The following ZNF850 variants were observed in gnomAD, a reference collection of about 807,000 sequenced individuals.
The protein encoded by ZNF850 is zinc finger protein 850.
A neutral mutation model predicts 11.9 loss-of-function variants in ZNF850; 2 were observed. The observed-to-expected ratio is 0.17, with a 90% CI of 0.07 to 0.53. The LOEUF is 0.53. Ranked by LOEUF, ZNF850 falls within the 20% of genes least tolerant of loss-of-function variation. The pLI is 0.94. For missense variants in ZNF850, 1,014 were observed against 1,316.4 expected (o/e 0.77, Z 3.55); for synonymous variants, 381 against 443.0 (o/e 0.86, Z 1.76).
intron 4 of ZNF850, among the ~76,000 whole-genome samples, chr19:36,760,169 G>T (rs1470037977): frequency 6.6e-6 from 1 of 152,130 alleles, no homozygotes; most frequent in Non-Finnish European, 1.5e-5. Flanking sequence ...TATTAGGCTG[G>T]GTGTGGTGGC....
intron 3 of ZNF850, 53 bp downstream of exon 3, chr19:36,762,252 A>G: frequency 7.0e-7 from 1 of 1,420,566 alleles, no homozygotes; most frequent in Non-Finnish European, 9.3e-7. Flanking sequence ...TCACCCAGAC[A>G]ATTGAAAGCT....
chr19:36,761,548 A>C, intron 4 of ZNF850, 95 bp downstream of exon 4: 1 of 602,928 alleles, frequency 1.7e-6, no homozygotes, highest in Non-Finnish European at 2.8e-6. Context: ...ACCTTGAAGA[A>C]GAGACTCCTC....
intron 4 of ZNF850, among the ~76,000 whole-genome samples, chr19:36,754,414 C>T (rs758766254): frequency 4.6e-5 from 7 of 152,040 alleles, no homozygotes; most frequent in Non-Finnish European, 8.8e-5. Context: ...AGGATTACTA[C>T]ATAATAAAAC....
chr19:36,762,112 C>A (rs1413584269), intron 3 of ZNF850, among the ~76,000 whole-genome samples, 193 bp downstream of exon 3: 1 of 151,874 alleles, frequency 6.6e-6, no homozygotes, highest in Non-Finnish European at 1.5e-5. Context: ...AAGTTAGTCC[C>A]TTAGTCCTCA....
In ZNF850 at chr19:36,762,201, C is replaced by A. The variant is rs536433424; in HGVS notation, c.139+104G>T. On this transcript the variant is annotated intron_variant, in intron 3 of 4. Transcript: ENST00000591344. Reference sequence around the variant, plus strand: ...CCCAAAGAGCTGCCCATCTATTAATCTACAAAACACAAAACAATTCCCTAG... The same window carrying A: ...CCCAAAGAGCTGCCCATCTATTAATATACAAAACACAAAACAATTCCCTAG... 74 of 1,009,472 alleles carry A rather than the reference C, an allele frequency of 7.3e-5. No homozygotes were observed. The Admixed American group carries it at 7.5e-4, about 10-fold the overall frequency. The allele number at this position is 1,009,472 out of a possible 1,614,324, so 62.5% of individuals were successfully genotyped here. A position where few individuals can be genotyped will look rare whatever the true frequency, so the allele number is the denominator to read the frequency against.
chr19:36,766,689 C>T (rs573906938), intron 1 of ZNF850, among the ~76,000 whole-genome samples: 1 of 152,288 alleles, frequency 6.6e-6, no homozygotes, highest in South Asian at 2.1e-4. Context: ...TTTACTGAAG[C>T]CTACCTTTTT....
At position 36,750,579 on chromosome 19, in the gene ZNF850, TGTAGG is replaced by T; in HGVS notation, c.456_460del (p.Cys152Ter). 1 of 1,536,204 alleles carries T rather than the reference TGTAGG, an allele frequency of 6.5e-7. No individual in the cohort carries two copies. Among genetic ancestry groups the T allele is most frequent in the African/African-American group, 1.4e-5 (1 of 73,182 alleles). On this transcript the variant is annotated stop_gained and frameshift_variant, in exon 5 of 5. Coordinates refer to ENST00000591344, the MANE Select transcript of ZNF850 (RefSeq NM_001193552.2). LOFTEE classifies it low-confidence loss of function (END_TRUNC). ...CCGATGATGCAGAGTGAGAGATGTCTGTAGGCAGAAAGTTGGTGTTGTTTCATAAG... is the reference window on the plus strand; with the variant it reads ...CCGATGATGCAGAGTGAGAGATGTCTCAGAAAGTTGGTGTTGTTTCATAAG...
At position 36,750,822 on chromosome 19, in the gene ZNF850, A is replaced by T; in HGVS notation, c.236-18T>A. On this transcript the variant is annotated intron_variant, in intron 4 of 4. Coordinates refer to ENST00000591344, the MANE Select transcript of ZNF850 (RefSeq NM_001193552.2). ...CTCCGAGTCTGAAAAATAACCAGAAAGCAAAAACATAGCATTTCCTTGTTG... is the reference window on the plus strand; with the variant it reads ...CTCCGAGTCTGAAAAATAACCAGAATGCAAAAACATAGCATTTCCTTGTTG... 2 of 1,479,608 alleles carry T rather than the reference A, an allele frequency of 1.4e-6. No homozygotes were observed. Among genetic ancestry groups the T allele is most frequent in the Non-Finnish European group, 1.8e-6 (2 of 1,121,856 alleles). 91.7% of individuals were successfully genotyped at this position (1,479,608 alleles called of 1,614,324 possible). A position where few individuals can be genotyped will look rare whatever the true frequency, so the allele number is the denominator to read the frequency against.
chr19:36,762,211 C>T (rs2040523212), intron 3 of ZNF850, 94 bp downstream of exon 3: 2 of 1,144,900 alleles, frequency 1.7e-6, no homozygotes, highest in South Asian at 3.6e-5. Flanking sequence ...CTACAAAACA[C>T]AAAACAATTC....
At chr19:36,762,922 G>A (rs761957891) in intron 1 of ZNF850, among the ~76,000 whole-genome samples, 5 of 150,574 alleles carry the variant, frequency 3.3e-5, no homozygotes, top group African/African-American at 4.9e-5. Context: ...ACAGGGTCTC[G>A]TTCTGTTGCC....
At chr19:36,758,535 C>T (rs947841047) in intron 4 of ZNF850, among the ~76,000 whole-genome samples, 2 of 152,004 alleles carry the variant, frequency 1.3e-5, no homozygotes, top group Non-Finnish European at 2.9e-5. Flanking sequence ...GCATGCAGCA[C>T]CACACCAGGC....
At chr19:36,750,924 G>T in intron 4 of ZNF850, 120 bp from the exon 5 acceptor site, 1 of 1,124,218 alleles carries the variant, frequency 8.9e-7, no homozygotes, top group African/African-American at 1.6e-5. Context: ...AGATGTGTTG[G>T]GCGTGGTGGC....
chr19:36,747,975 G>T lies in ZNF850; in HGVS notation c.3065C>A (p.Ser1022Ter). The T allele has an allele frequency of 6.3e-7, 1 of 1,584,598 alleles. No individual in the cohort carries two copies. Among genetic ancestry groups the T allele is most frequent in the Non-Finnish European group, 8.6e-7 (1 of 1,168,132 alleles). Residue 1022 changes from serine (S) to a stop codon, truncating the protein, a stop_gained, in exon 5 of 5, where the codon TCA (serine) becomes TAA (stop). Transcript: ENST00000591344. LOFTEE classifies it low-confidence loss of function (END_TRUNC). Reference sequence around the variant, plus strand: ...GATTCGTTTATGTTGACTAAGTTGTGAAGGACATCTAAAGGCCTTCCCACA... The same window carrying T: ...GATTCGTTTATGTTGACTAAGTTGTTAAGGACATCTAAAGGCCTTCCCACA... ...KECGKAFRCP[S>*]QLSQHKRIHT...
At chr19:36,769,193 C>T (rs1322224146) in intron 1 of ZNF850, among the ~76,000 whole-genome samples, 3 of 141,676 alleles carry the variant, frequency 2.1e-5, no homozygotes, top group Admixed American at 7.6e-5. Context: ...ACCCGGCAGG[C>T]GGAGGCTGCA....
rs2040406158 is a variant in ZNF850 at position 36,745,445 on chromosome 19, C to G, written c.*2322G>C. 2.6e-5 allele frequency: 4 copies of G among 151,946 alleles called. No individual in the cohort carries two copies. The highest frequency in any genetic ancestry group is 2.6e-4 in the Admixed American group (4 of 15,240). The allele number at this position is 151,946 out of a possible 1,614,324, so 9.4% of individuals were successfully genotyped here. On this transcript the variant is annotated 3_prime_UTR_variant, in exon 5 of 5. Transcript: ENST00000591344. ...TGTAAGAAATGCCTTTCCTGACTAC[C>G]TTATCTAAATTAGTCCTGCCCAGAG...
chr19:36,765,582 ATTTTT>A (rs371481745), intron 1 of ZNF850, among the ~76,000 whole-genome samples: 3 of 124,422 alleles, frequency 2.4e-5, no homozygotes, highest in African/African-American at 3.1e-5. Flanking sequence ...CAAAGTAAAG[ATTTTT>A]TTTTTTTTTT....
At chr19:36,770,611 CAGA>C (rs1371090641) in intron 1 of ZNF850, among the ~76,000 whole-genome samples, 2 of 144,848 alleles carry the variant, frequency 1.4e-5, no homozygotes, top group Non-Finnish European at 1.5e-5. Context: ...GAGGCTGCGG[CAGA>C]AGAACTGCTT....
intron 1 of ZNF850, among the ~76,000 whole-genome samples, chr19:36,768,360 C>T (rs1024748180): frequency 2.0e-5 from 3 of 152,092 alleles, no homozygotes; most frequent in African/African-American, 4.8e-5. Context: ...AATATCAATA[C>T]TTCTCTTTCC....
chr19:36,760,184 G>A lies in ZNF850; in HGVS notation c.235+1459C>T, dbSNP rs545425043. 2.7e-4 allele frequency among the ~76,000 whole-genome samples: 41 copies of A among 152,056 alleles called. 1 individual carries two copies. The highest frequency in any genetic ancestry group is 4.6e-4 in the Non-Finnish European group (31 of 67,980). ...TATTAGGCTGGGTGTGGTGGCTCACGCCGGTAATCCTAGCACTTTGGGAGG... is the reference window on the plus strand; with the variant it reads ...TATTAGGCTGGGTGTGGTGGCTCACACCGGTAATCCTAGCACTTTGGGAGG... On this transcript the variant is annotated intron_variant, in intron 4 of 4. Transcript: ENST00000591344.
Sources: allele counts gnomAD v4.1 joint callset (sites outside exome capture counted in the v4.1 genomes callset), GRCh38; gene constraint gnomAD v4.1.1; transcripts MANE v1.5; gene names NCBI Gene and HGNC (gene_info 2026-07-23, HGNC 2026-07-21).